The following SULF2 variants were observed in gnomAD, a reference collection of about 807,000 sequenced individuals.
SULF2 encodes extracellular sulfatase Sulf-2.
A neutral mutation model predicts 107.7 loss-of-function variants in SULF2; 52 were observed. That is an observed-to-expected ratio of 0.48 (90% CI 0.39 to 0.61). The LOEUF (loss-of-function observed/expected upper bound fraction) is 0.61. SULF2 is among the 20% of genes least tolerant of loss of function. The pLI, the probability that SULF2 is intolerant of heterozygous loss-of-function variation, is 0.00. For missense variants in SULF2, 993 were observed against 1,177.3 expected (o/e 0.84, Z 2.29); for synonymous variants, 460 against 464.3 (o/e 0.99, Z 0.12).
chr20:47,740,467 G>A (rs1185482393), intron 2 of SULF2, among the ~76,000 whole-genome samples: 1 of 152,178 alleles, frequency 6.6e-6, no homozygotes, highest in Non-Finnish European at 1.5e-5. Flanking sequence ...GGCACACCAG[G>A]GGTGGGGGTG....
intron 3 of SULF2, among the ~76,000 whole-genome samples, chr20:47,712,898 G>A (rs1010570435): frequency 7.9e-5 from 12 of 152,150 alleles, no homozygotes; most frequent in African/African-American, 2.4e-4. Flanking sequence ...AGCCAGGTGT[G>A]GTGCTGCACG....
intron 4 of SULF2, among the ~76,000 whole-genome samples, chr20:47,699,012 C>A (rs1048725401): frequency 6.6e-6 from 1 of 152,164 alleles, no homozygotes. Context: ...GTCTGGGCAA[C>A]AAGCACAAAA....
At position 47,736,934 on chromosome 20, in the gene SULF2, G is replaced by T. The variant is rs1041181451; in HGVS notation, c.184C>A (p.Gln62Lys). ...DDQDVELGSM[Q>K]VMNKTRRIME... ...ATGCGCCGGGTCTTGTTCATCACCT[G>T]CATGGAACCTGCAAGTCAAGGGTGG... Residue 62 changes from glutamine (Q) to lysine (K), a missense_variant, in exon 3 of 21, where the codon CAG becomes AAG. Gln to Lys is a moderately conservative substitution (Grantham distance 53, BLOSUM62 1). This residue lies in a region of SULF2 where 388 missense variants were observed against 449.2 expected (regional missense o/e 0.86). Coordinates refer to ENST00000688720, the MANE Select transcript of SULF2 (RefSeq NM_001387048.1). 3.1e-6 allele frequency: 5 copies of T among 1,614,064 alleles called. No individual in the cohort carries two copies. Among genetic ancestry groups the T allele is most frequent in the East Asian group, 2.2e-5 (1 of 44,902 alleles).
At chr20:47,670,134 G>T (rs6018628) in intron 11 of SULF2, among the ~76,000 whole-genome samples, 4 of 152,118 alleles carry the variant, frequency 2.6e-5, no homozygotes, top group Non-Finnish European at 5.9e-5. Flanking sequence ...TGCGCCTGCC[G>T]TCAGAGACCT....
intron 2 of SULF2, among the ~76,000 whole-genome samples, chr20:47,740,055 C>T (rs1268305585): frequency 1.3e-5 from 2 of 152,218 alleles, no homozygotes; most frequent in East Asian, 3.8e-4. Context: ...GAACTGAGAG[C>T]ACTCCAACTT....
chr20:47,676,090 T>C (rs2087630640), intron 10 of SULF2, among the ~76,000 whole-genome samples: 1 of 152,182 alleles, frequency 6.6e-6, no homozygotes, highest in Non-Finnish European at 1.5e-5. Context: ...ACCTTACCTA[T>C]ATTTATTTTA....
At chr20:47,684,648 A>G (rs1453941300) in intron 5 of SULF2, 67 bp from the exon 6 acceptor site, 2 of 1,551,450 alleles carry the variant, frequency 1.3e-6, no homozygotes, top group Non-Finnish European at 1.8e-6. Flanking sequence ...GGCCCCCGCC[A>G]GACCCGCCCG....
In SULF2 at chr20:47,658,270, A is replaced by C; in HGVS notation, c.*92T>G. On this transcript the variant is annotated 3_prime_UTR_variant, in exon 21 of 21. Transcript: ENST00000688720. ...TTTCTCAGGCCTCCTGGCCAATACC[A>C]CAGGTCTGCTGGAAATCACCCACAT... is the stretch of plus-strand genomic sequence containing the variant. The C allele has an allele frequency of 7.2e-7, 1 of 1,395,090 alleles. No individual in the cohort carries two copies. The highest frequency in any genetic ancestry group is 1.0e-6 in the Non-Finnish European group (1 of 980,196). 86.4% of individuals were successfully genotyped at this position (1,395,090 alleles called of 1,614,324 possible).
upstream of SULF2, chr20:47,785,763 G>A (rs1227419570): frequency 4.0e-5 from 6 of 148,182 alleles, no homozygotes; most frequent in Non-Finnish European, 6.0e-5. Context: ...AGCCGCGGAC[G>A]GCTGGGGCCC....
intron 1 of SULF2, among the ~76,000 whole-genome samples, chr20:47,768,576 C>A (rs6122613): frequency 7.2e-5 from 11 of 152,262 alleles, no homozygotes; most frequent in Admixed American, 5.9e-4. Context: ...CCAGCCCACG[C>A]TAGGCCTCCT....
intron 16 of SULF2, 91 bp downstream of exon 16, chr20:47,663,362 C>A (rs2087151293): frequency 6.3e-7 from 1 of 1,580,746 alleles, no homozygotes; most frequent in Non-Finnish European, 8.6e-7. Flanking sequence ...GTTGGGGACC[C>A]CCTTTCTGAG....
intron 11 of SULF2, among the ~76,000 whole-genome samples, chr20:47,670,080 A>ATGAAGACATT (rs1299280179): frequency 6.6e-6 from 1 of 152,198 alleles, no homozygotes; most frequent in Admixed American, 6.5e-5. Flanking sequence ...CTGCTCCACG[A>ATGAAGACATT]TGAAGACATT....
intron 3 of SULF2, among the ~76,000 whole-genome samples, chr20:47,711,930 G>A (rs370782863): frequency 9.9e-5 from 15 of 151,902 alleles, no homozygotes; most frequent in Admixed American, 2.0e-4. Context: ...GCACACATAC[G>A]CACATGCATA....
intron 3 of SULF2, among the ~76,000 whole-genome samples, chr20:47,731,195 T>TTTTTTTTTTTTTTTTTTTTA (rs2089600019): frequency 9.7e-6 from 1 of 103,172 alleles, no homozygotes; most frequent in African/African-American, 3.7e-5. Flanking sequence ...CTCTTTTTTT[T>TTTTTTTTTTTTTTTTTTTTA]TTTTTTTTTT....
chr20:47,748,906 C>T (rs540121630), intron 2 of SULF2, among the ~76,000 whole-genome samples: 1 of 152,346 alleles, frequency 6.6e-6, no homozygotes, highest in South Asian at 2.1e-4. Flanking sequence ...AACACTTAAA[C>T]CGTCTTCCAA....
chr20:47,687,226 C>T (rs1388736183), intron 5 of SULF2, among the ~76,000 whole-genome samples: 1 of 152,098 alleles, frequency 6.6e-6, no homozygotes, highest in Non-Finnish European at 1.5e-5. Flanking sequence ...GAGAAGGACA[C>T]TGAGGCCAGA....
intron 8 of SULF2, among the ~76,000 whole-genome samples, chr20:47,677,401 T>A (rs1017366680): frequency 3.5e-5 from 2 of 57,700 alleles, no homozygotes; most frequent in African/African-American, 1.6e-4. Flanking sequence ...CCCAAGTAAC[T>A]GTGTGTGTGT....
chr20:47,691,533 G>A (rs746355083), intron 4 of SULF2, among the ~76,000 whole-genome samples: 1 of 152,210 alleles, frequency 6.6e-6, no homozygotes, highest in Non-Finnish European at 1.5e-5. Context: ...AAACTCCCCA[G>A]GGGATTCTAA....
chr20:47,674,708 C>T (rs140169639), intron 10 of SULF2, among the ~76,000 whole-genome samples: 8 of 152,288 alleles, frequency 5.3e-5, no homozygotes, highest in South Asian at 2.1e-4. Flanking sequence ...TGGGGTAGCA[C>T]GGACAAGGTA....
Sources: gnomAD v4.1 joint callset for allele counts (sites outside exome capture counted in the v4.1 genomes callset) on GRCh38, gnomAD v4.1.1 for gene constraint, gnomAD v4.1.1 regional missense constraint, MANE v1.5 for transcripts, NCBI Gene and HGNC (gene_info 2026-07-23, HGNC 2026-07-21) for gene names.